The following KCNQ4 variants were observed in gnomAD, a reference collection of about 807,000 sequenced individuals.
KCNQ4 encodes the protein potassium voltage-gated channel subfamily KQT member 4.
A neutral mutation model predicts 72.6 loss-of-function variants in KCNQ4; 31 were observed. The observed-to-expected ratio is 0.43, with a 90% CI of 0.32 to 0.58. The LOEUF (loss-of-function observed/expected upper bound fraction) is 0.58. KCNQ4 is among the 20% of genes least tolerant of loss of function. The pLI is 0.08. For missense variants in KCNQ4, 869 were observed against 962.6 expected, an observed-to-expected ratio of 0.90 and a Z score of 1.29; for synonymous variants, 405 against 403.7, an observed-to-expected ratio of 1.00 and a Z score of -0.04.
rs964002433 is a variant in KCNQ4, at chr1:40,788,477, G to A, written c.314+4070G>A. ...CCAACTATGCACAGGGCACCCTGCTGAGCTCTCTCTAAACCGGTCTCATTG... is the reference window on the plus strand; with the variant it reads ...CCAACTATGCACAGGGCACCCTGCTAAGCTCTCTCTAAACCGGTCTCATTG... On this transcript the variant is annotated intron_variant, in intron 1 of 13. Coordinates refer to ENST00000347132, the MANE Select transcript of KCNQ4 (RefSeq NM_004700.4). The surrounding 1 kb of genome is among the most constrained non-coding windows in gnomAD (Gnocchi z 4.5). Among the ~76,000 whole-genome samples, 1 of 152,216 alleles carries A rather than the reference G, an allele frequency of 6.6e-6. No individual in the cohort carries two copies. The highest frequency in any genetic ancestry group is 1.5e-5 in the Non-Finnish European group (1 of 68,044).
rs1378775008 is a variant in KCNQ4, at chr1:40,839,224, G to C, written c.*701G>C. On this transcript the variant is annotated 3_prime_UTR_variant, in exon 14 of 14. Coordinates refer to ENST00000347132, the MANE Select transcript of KCNQ4 (RefSeq NM_004700.4). ...TGTTTCTCCCCTGCCCTCTCCTAAG[G>C]GCAATGCCTGGGCCTTTCTTCCCAT... The C allele has an allele frequency of 1.3e-5, 2 of 153,068 alleles. No homozygotes were observed. Among genetic ancestry groups the C allele is most frequent in the East Asian group, 1.9e-4 (1 of 5,154 alleles). 9.5% of individuals were successfully genotyped at this position (153,068 alleles called of 1,614,324 possible). A position where few individuals can be genotyped will look rare whatever the true frequency, so the allele number is the denominator to read the frequency against.
chr1:40,816,811 C>A (rs993967474), intron 1 of KCNQ4, among the ~76,000 whole-genome samples: 1 of 152,238 alleles, frequency 6.6e-6, no homozygotes, highest in Non-Finnish European at 1.5e-5. Flanking sequence ...CAGGCTCCTG[C>A]CACTTTGGAG....
rs370955936 is a variant in KCNQ4, at chr1:40,823,843, G to C, written c.1131-254G>C. Among the ~76,000 whole-genome samples, 230 of 152,370 alleles carry C rather than the reference G, an allele frequency of 1.5e-3. 2 individuals carry two copies. The Middle Eastern group carries it at 0.034, about 23-fold the overall frequency. On this transcript the variant is annotated intron_variant, in intron 8 of 13. Coordinates refer to ENST00000347132, the MANE Select transcript of KCNQ4 (RefSeq NM_004700.4). Reference sequence around the variant, plus strand: ...AGTCAGCTTGATGGGCTGAGAGTAAGCTCCTTGCACGGCTGCCCTTGAGCT... The same window carrying C: ...AGTCAGCTTGATGGGCTGAGAGTAACCTCCTTGCACGGCTGCCCTTGAGCT...
Position 40,819,893 on chromosome 1 carries a change from G to A in KCNQ4, c.853G>A (p.Gly285Ser), listed in dbSNP as rs28937588. Reference protein sequence around the residue: ...WWGTITLTTIGYGDKTPHTWL... With the variant: ...WWGTITLTTISYGDKTPHTWL... ...TCTCCAGATTACATTGACAACCATC[G>A]GCTATGGTGACAAGACACCGCACAC... Residue 285 changes from glycine (G) to serine (S), a missense_variant, in exon 6 of 14, where the codon GGC becomes AGC. Coordinates refer to ENST00000347132, the MANE Select transcript of KCNQ4 (RefSeq NM_004700.4). The A allele has an allele frequency of 6.2e-7, 1 of 1,613,924 alleles. No individual in the cohort carries two copies. The highest frequency in any genetic ancestry group is 8.5e-7 in the Non-Finnish European group (1 of 1,179,838).
At chr1:40,806,611 A>G (rs554842678) in intron 1 of KCNQ4, among the ~76,000 whole-genome samples, 16 of 152,382 alleles carry the variant, frequency 1.0e-4, no homozygotes, top group South Asian at 4.1e-4. Context: ...AGCTGGCTCA[A>G]TAAAAACTGG....
intron 1 of KCNQ4, among the ~76,000 whole-genome samples, chr1:40,792,649 G>A (rs576385114): frequency 6.6e-6 from 1 of 152,208 alleles, no homozygotes; most frequent in Admixed American, 6.5e-5. Flanking sequence ...CCAGCCTCTG[G>A]GGATTGGTGG....
rs1323003883 is a variant in KCNQ4 at position 40,784,248 on chromosome 1, T to A, written c.155T>A (p.Leu52Gln). 9.5e-6 allele frequency: 13 copies of A among 1,372,806 alleles called. No homozygotes were observed. The South Asian group carries it at 1.5e-4, about 16-fold the overall frequency. 85.0% of individuals were successfully genotyped at this position (1,372,806 alleles called of 1,614,324 possible). A position where few individuals can be genotyped will look rare whatever the true frequency, so the allele number is the denominator to read the frequency against. The change falls in exon 1 of 14, where the codon CTG becomes CAG. Residue 52 changes from leucine to glutamine, a missense_variant. Leu to Gln is a moderately radical substitution (Grantham distance 113). Coordinates refer to ENST00000347132, the MANE Select transcript of KCNQ4 (RefSeq NM_004700.4). This position sits in a 1 kb window ranked among gnomAD's most constrained non-coding sequence, Gnocchi z 4.1. ...CGCCTCGGCCTCCTGGGCAGCCCCC[T>A]GCCGCCGGGCGCGCCCCTCCCTGGG... Reference protein sequence around the residue: ...PRRLGLLGSPLPPGAPLPGPG... With the variant: ...PRRLGLLGSPQPPGAPLPGPG...
intron 1 of KCNQ4, among the ~76,000 whole-genome samples, chr1:40,787,071 G>A (rs895980379): frequency 5.3e-5 from 8 of 152,134 alleles, no homozygotes; most frequent in Non-Finnish European, 2.9e-5. Flanking sequence ...TGGCAGGAGG[G>A]GCCCCAGCAG....
chr1:40,809,017 C>T (rs77938852), intron 1 of KCNQ4, among the ~76,000 whole-genome samples: 1 of 152,128 alleles, frequency 6.6e-6, no homozygotes, highest in South Asian at 2.1e-4. Context: ...AGAAGGCTGC[C>T]CTTGCCAAGG....
chr1:40,821,226 A>G (rs940201551), intron 7 of KCNQ4, among the ~76,000 whole-genome samples: 1 of 152,212 alleles, frequency 6.6e-6, no homozygotes, highest in East Asian at 1.9e-4. Flanking sequence ...TGTGGTGCCC[A>G]TAATTAATGA....
chr1:40,790,421 G>T (rs1275307235), intron 1 of KCNQ4, among the ~76,000 whole-genome samples: 1 of 152,158 alleles, frequency 6.6e-6, no homozygotes, highest in African/African-American at 2.4e-5. Flanking sequence ...GTCTGAGTCT[G>T]CTCTGGAGAG....
intron 1 of KCNQ4, among the ~76,000 whole-genome samples, chr1:40,793,652 G>T (rs1469744676): frequency 6.6e-6 from 1 of 152,100 alleles, no homozygotes; most frequent in Non-Finnish European, 1.5e-5. Context: ...AGTCAGAAAT[G>T]CCCTCCACAC....
At chr1:40,807,955 T>C (rs1313749447) in intron 1 of KCNQ4, among the ~76,000 whole-genome samples, 2 of 130,140 alleles carry the variant, frequency 1.5e-5, no homozygotes, top group Admixed American at 7.3e-5. Flanking sequence ...TTGTCTCTAC[T>C]AAAAATCAAA....
At chr1:40,818,348 T>A in intron 3 of KCNQ4, 58 bp downstream of exon 3, 2 of 1,609,122 alleles carry the variant, frequency 1.2e-6, no homozygotes, top group East Asian at 4.5e-5. Context: ...GGGTGACGCC[T>A]TTACTCCCAA....
intron 1 of KCNQ4, among the ~76,000 whole-genome samples, chr1:40,813,338 G>C (rs1647981713): frequency 1.3e-5 from 2 of 152,242 alleles, no homozygotes; most frequent in Non-Finnish European, 2.9e-5. Context: ...TGGAGGCAGG[G>C]AGGCCAGGTA....
chr1:40,828,312 G>C (rs2148327641), intron 9 of KCNQ4, among the ~76,000 whole-genome samples: 1 of 152,350 alleles, frequency 6.6e-6, no homozygotes, highest in East Asian at 1.9e-4. Context: ...TCCTTAGCCA[G>C]AGTTTCTTGA....
chr1:40,833,141 C>T (rs1479034961), intron 11 of KCNQ4, 28 bp downstream of exon 11: 7 of 1,551,212 alleles, frequency 4.5e-6, no homozygotes, highest in Non-Finnish European at 8.8e-7. Flanking sequence ...GGCGAGCACC[C>T]CCCTCCGTGT....
chr1:40,808,156 A>G (rs1313235108), intron 1 of KCNQ4, among the ~76,000 whole-genome samples: 1 of 152,040 alleles, frequency 6.6e-6, no homozygotes, highest in Non-Finnish European at 1.5e-5. Flanking sequence ...GTCCCCAGAC[A>G]CTGGCAGGGC....
In KCNQ4 at chr1:40,838,862, C is replaced by T. The variant is rs369996719; in HGVS notation, c.*339C>T. 9.6e-6 allele frequency: 4 copies of T among 418,518 alleles called. No individual in the cohort carries two copies. Among genetic ancestry groups the T allele is most frequent in the African/African-American group, 2.0e-5 (1 of 49,778 alleles). 25.9% of individuals were successfully genotyped at this position (418,518 alleles called of 1,614,324 possible). On this transcript the variant is annotated 3_prime_UTR_variant, in exon 14 of 14. Transcript: ENST00000347132. ...CGGGAGTGGGAGCGGGCGCTGGGGC[C>T]CTGGGCCCTGACCCAGCTTCCAGCT...
Sources: gnomAD v4.1 joint callset for allele counts (sites outside exome capture counted in the v4.1 genomes callset) on GRCh38, gnomAD v4.1.1 for gene constraint, Gnocchi (gnomAD v3.1) non-coding constraint, MANE v1.5 for transcripts, NCBI Gene and HGNC (gene_info 2026-07-23, HGNC 2026-07-21) for gene names.